The following SOBP variants were observed in gnomAD, a reference collection of about 807,000 sequenced individuals.
The protein encoded by SOBP is sine oculis-binding protein homolog.
A neutral mutation model predicts 53.6 loss-of-function variants in SOBP; 4 were observed. That is an observed-to-expected ratio of 0.07 (90% CI 0.04 to 0.17). The LOEUF (loss-of-function observed/expected upper bound fraction) is 0.17, where lower values mean the gene tolerates loss of function less well. Ranked by LOEUF, SOBP falls within the 10% of genes least tolerant of loss-of-function variation. The pLI is 1.00. For missense variants in SOBP, 1,088 were observed against 1,204.7 expected (o/e 0.90, Z 1.43); for synonymous variants, 584 against 522.6 (o/e 1.12, Z -1.60).
At chr6:107,601,300 T>C (rs760511923) in intron 5 of SOBP, among the ~76,000 whole-genome samples, 15 of 152,326 alleles carry the variant, frequency 9.8e-5, no homozygotes, top group Non-Finnish European at 1.9e-4. Context: ...GCACATCTTG[T>C]CCTCTTCCTG....
At chr6:107,536,274 A>G (rs1041432206) in intron 4 of SOBP, among the ~76,000 whole-genome samples, 5 of 152,184 alleles carry the variant, frequency 3.3e-5, no homozygotes, top group South Asian at 2.1e-4. Flanking sequence ...ACAAAGAAAA[A>G]TCCTAGTAGA....
At chr6:107,536,400 C>T (rs1783999140) in intron 4 of SOBP, among the ~76,000 whole-genome samples, 1 of 152,212 alleles carries the variant, frequency 6.6e-6, no homozygotes, top group Non-Finnish European at 1.5e-5. Context: ...CATTTCTCTT[C>T]ACACACGCTT....
intron 1 of SOBP, among the ~76,000 whole-genome samples, chr6:107,502,763 A>T (rs562606883): frequency 2.0e-4 from 30 of 152,082 alleles, no homozygotes; most frequent in East Asian, 9.6e-4. Flanking sequence ...TTGATTTTTT[A>T]AAAAAAAATT....
chr6:107,530,203 AT>A (rs1227594464), intron 3 of SOBP, among the ~76,000 whole-genome samples: 3 of 152,202 alleles, frequency 2.0e-5, no homozygotes, highest in East Asian at 1.9e-4. Flanking sequence ...TTGAAGAAAT[AT>A]TTTTTTAAGT....
intron 4 of SOBP, among the ~76,000 whole-genome samples, chr6:107,576,226 T>G (rs1355971897): frequency 6.6e-6 from 1 of 152,222 alleles, no homozygotes; most frequent in East Asian, 1.9e-4. Flanking sequence ...CTCATCTTCC[T>G]CCTTTGCCTA....
chr6:107,631,997 G>A (rs1770734883), intron 5 of SOBP, among the ~76,000 whole-genome samples: 1 of 152,178 alleles, frequency 6.6e-6, no homozygotes, highest in Admixed American at 6.5e-5. Flanking sequence ...TGCCACCACT[G>A]TTTACAATCA....
rs897423272 is a variant in SOBP at position 107,567,660 on chromosome 6, A to G, written c.574-19420A>G. 4.6e-5 allele frequency among the ~76,000 whole-genome samples: 7 copies of G among 152,214 alleles called. No individual in the cohort carries two copies. The East Asian group carries it at 1.2e-3, about 25-fold the overall frequency. ...TATTAAAATGAAATCCACTTCCAGAATTTTGTGTGTAAAACATGTAGGAAT... is the reference window on the plus strand; with the variant it reads ...TATTAAAATGAAATCCACTTCCAGAGTTTTGTGTGTAAAACATGTAGGAAT... On this transcript the variant is annotated intron_variant, in intron 4 of 6. Transcript: ENST00000317357.
intron 6 of SOBP, among the ~76,000 whole-genome samples, chr6:107,640,322 A>G (rs1215623718): frequency 6.6e-6 from 1 of 152,258 alleles, no homozygotes; most frequent in African/African-American, 2.4e-5. Flanking sequence ...GGAAATCAGT[A>G]TGAATGGGAT....
At chr6:107,575,838 G>C (rs572338383) in intron 4 of SOBP, among the ~76,000 whole-genome samples, 23 of 152,288 alleles carry the variant, frequency 1.5e-4, no homozygotes, top group African/African-American at 5.5e-4. Context: ...CAACAGGCGT[G>C]TCCCTAAACC....
In SOBP at chr6:107,652,039, G is replaced by T. The variant is rs1477860458; in HGVS notation, c.*4-6168G>T. Among the ~76,000 whole-genome samples, 3 of 152,318 alleles carry T rather than the reference G, an allele frequency of 2.0e-5. No homozygotes were observed. The East Asian group carries it at 5.8e-4, about 29-fold the overall frequency. On this transcript the variant is annotated intron_variant, in intron 6 of 6. Coordinates refer to ENST00000317357, the MANE Select transcript of SOBP (RefSeq NM_018013.4). ...AAGAGCTCTGATGGAGCGGTACAAAGAAATTAATTGTTTTCATGCCTGCTA... is the reference window on the plus strand; with the variant it reads ...AAGAGCTCTGATGGAGCGGTACAAATAAATTAATTGTTTTCATGCCTGCTA...
At chr6:107,611,101 T>C (rs1786579329) in intron 5 of SOBP, among the ~76,000 whole-genome samples, 1 of 152,232 alleles carries the variant, frequency 6.6e-6, no homozygotes, top group African/African-American at 2.4e-5. Flanking sequence ...CTCCGTTCCT[T>C]TACTTCTGAA....
At chr6:107,536,736 TCTACTC>T (rs1784009135) in intron 4 of SOBP, among the ~76,000 whole-genome samples, 1 of 152,196 alleles carries the variant, frequency 6.6e-6, no homozygotes, top group Admixed American at 6.5e-5. Flanking sequence ...TCAAAATACT[TCTACTC>T]AACACTGCCA....
At chr6:107,607,116 A>G (rs927426735) in intron 5 of SOBP, among the ~76,000 whole-genome samples, 2 of 152,082 alleles carry the variant, frequency 1.3e-5, no homozygotes, top group Middle Eastern at 3.2e-3. Context: ...GCTCACATAC[A>G]TTTTCCAGGA....
Position 107,565,434 on chromosome 6 carries a change from T to C in SOBP, c.574-21646T>C, listed in dbSNP as rs761934721. ...TGCTCCACCTCTTCGTGGAATCCAG[T>C]ACAAGGCAGGTGCAAAGGATTGGAC... On this transcript the variant is annotated intron_variant, in intron 4 of 6. Coordinates refer to ENST00000317357, the MANE Select transcript of SOBP (RefSeq NM_018013.4). Among the ~76,000 whole-genome samples, 4 of 147,514 alleles carry C rather than the reference T, an allele frequency of 2.7e-5. No individual in the cohort carries two copies. In the Admixed American group the frequency reaches 2.8e-4, roughly 10 times the overall value.
intron 1 of SOBP, among the ~76,000 whole-genome samples, chr6:107,500,804 T>C (rs147563771): frequency 1.3e-3 from 192 of 152,252 alleles, no homozygotes; most frequent in East Asian, 1.9e-3. Context: ...GGATTACAGG[T>C]CTGAGCCACC....
intron 4 of SOBP, among the ~76,000 whole-genome samples, chr6:107,557,227 TC>T (rs1784638900): frequency 1.3e-5 from 2 of 152,240 alleles, no homozygotes; most frequent in South Asian, 4.1e-4. Flanking sequence ...GAGATTTTTT[TC>T]CTTTGAAATC....
At chr6:107,504,361 C>T (rs557805190) in intron 2 of SOBP, among the ~76,000 whole-genome samples, 4 of 152,280 alleles carry the variant, frequency 2.6e-5, no homozygotes, top group Non-Finnish European at 5.9e-5. Context: ...GCCTATATTA[C>T]TCTTTAAGAA....
intron 4 of SOBP, among the ~76,000 whole-genome samples, chr6:107,580,183 A>T (rs954544228): frequency 6.6e-6 from 1 of 152,224 alleles, no homozygotes; most frequent in Non-Finnish European, 1.5e-5. Context: ...GGTTACTGGC[A>T]TATCTCCAGA....
intron 3 of SOBP, 51 bp from the exon 4 acceptor site, chr6:107,533,408 G>T: frequency 2.5e-6 from 4 of 1,582,540 alleles, no homozygotes; most frequent in South Asian, 1.1e-5. Context: ...GTCTAAATTT[G>T]AAGGGATGTT....
Sources: gnomAD v4.1 joint callset for allele counts (sites outside exome capture counted in the v4.1 genomes callset) on GRCh38, gnomAD v4.1.1 for gene constraint, MANE v1.5 for transcripts, NCBI Gene and HGNC (gene_info 2026-07-23, HGNC 2026-07-21) for gene names.